NDST1: variants seen among roughly 807,000 people sequenced by gnomAD.
NDST1 encodes the protein N-deacetylase and N-sulfotransferase 1, also known as bifunctional heparan sulfate N-deacetylase/N-sulfotransferase 1.
In NDST1, 35 loss-of-function variants were observed where a neutral mutation model predicts 92.8. The observed-to-expected ratio is 0.38, with a 90% CI of 0.29 to 0.50. The LOEUF (loss-of-function observed/expected upper bound fraction) is 0.50. NDST1 is among the 20% of genes least tolerant of loss of function. The probability of loss-of-function intolerance (pLI) is 0.94; values close to 1 mark genes in which losing one functional copy is unlikely to be tolerated. For synonymous variants in NDST1, 493 were observed against 500.3 expected (o/e 0.99, Z 0.19); for missense variants, 822 against 1,182.7 (o/e 0.69, Z 4.47).
chr5:150,543,100 C>G, intron 10 of NDST1, 129 bp downstream of exon 10: 1 of 1,242,340 alleles, frequency 8.0e-7, no homozygotes, highest in Non-Finnish European at 1.2e-6. Context: ...TAAACAGGGA[C>G]AAAGTGCAGT....
chr5:150,543,214 A>G (rs546706457), intron 10 of NDST1, among the ~76,000 whole-genome samples: 6 of 152,236 alleles, frequency 3.9e-5, no homozygotes, highest in Non-Finnish European at 7.3e-5. Context: ...CTGAGGTCGA[A>G]GTCCACCCCT....
rs149711145 is a variant in NDST1 at position 150,553,263 on chromosome 5, C to G, written c.2580C>G (p.Ser860=). 1 of 1,613,914 alleles carries G rather than the reference C, an allele frequency of 6.2e-7. No individual in the cohort carries two copies. The highest frequency in any genetic ancestry group is 1.1e-5 in the South Asian group (1 of 91,068). ...DYYRDHNIEL[S]KLLYKMGQTL... ...ACCGGGACCACAACATCGAGCTCTC[C>G]AAGCTGCTGTATAAGATGGGCCAGA... is the stretch of plus-strand genomic sequence containing the variant. Residue 860 remains serine, a synonymous_variant, in exon 15 of 15, where the codon TCC becomes TCG. Coordinates refer to ENST00000261797, the MANE Select transcript of NDST1 (RefSeq NM_001543.5). The surrounding 1 kb of genome is among the most constrained non-coding windows in gnomAD (Gnocchi z 4.2).
chr5:150,517,402 G>C (rs1346393656), intron 1 of NDST1, among the ~76,000 whole-genome samples: 1 of 151,802 alleles, frequency 6.6e-6, no homozygotes, highest in African/African-American at 2.4e-5. Flanking sequence ...GACCTCCCAG[G>C]GTCAGGGGAC....
intron 1 of NDST1, among the ~76,000 whole-genome samples, chr5:150,519,965 G>T (rs1754166663): frequency 6.6e-6 from 1 of 152,126 alleles, no homozygotes; most frequent in African/African-American, 2.4e-5. Flanking sequence ...TGGACAGAAG[G>T]TCCAGGGCGG....
At chr5:150,505,710 C>T (rs73799054), upstream of NDST1, among the ~76,000 whole-genome samples, 976 of 152,192 alleles carry the variant, frequency 6.4e-3, 15 homozygotes, top group African/African-American at 0.022. Flanking sequence ...ACAGAATAAC[C>T]CAGCTTAGAT....
intron 1 of NDST1, among the ~76,000 whole-genome samples, chr5:150,498,479 G>A (rs1753091502): frequency 6.6e-6 from 1 of 152,218 alleles, no homozygotes; most frequent in South Asian, 2.1e-4. Flanking sequence ...TCCGCACTCT[G>A]TGCTGGGCTT....
At chr5:150,540,615 A>G (rs1481684388) in intron 8 of NDST1, among the ~76,000 whole-genome samples, 2 of 152,178 alleles carry the variant, frequency 1.3e-5, no homozygotes, top group African/African-American at 4.8e-5. Context: ...CAGGAGTTCA[A>G]GATCAGCCTG....
intron 1 of NDST1, among the ~76,000 whole-genome samples, chr5:150,502,839 G>A (rs1210711016): frequency 6.6e-6 from 1 of 152,080 alleles, no homozygotes. Context: ...GGAGGTTCAG[G>A]CCTTATCCTG....
In NDST1 at chr5:150,525,729, G is replaced by A. The variant is rs556141683; in HGVS notation, c.514-2075G>A. ...CTGGACAGGTACAGCTCTGCAACGG[G>A]CACAGGCTCAGCTGAGACTTTACCC... On this transcript the variant is annotated intron_variant, in intron 2 of 14. Coordinates refer to ENST00000261797, the MANE Select transcript of NDST1 (RefSeq NM_001543.5). Among the ~76,000 whole-genome samples, 150 of 152,250 alleles carry A rather than the reference G, an allele frequency of 9.9e-4. 1 individual carries two copies. The highest frequency in any genetic ancestry group is 8.7e-3 in the South Asian group (42 of 4,818).
intron 13 of NDST1, among the ~76,000 whole-genome samples, chr5:150,550,117 T>C (rs1209183341): frequency 6.6e-6 from 1 of 151,928 alleles, no homozygotes; most frequent in East Asian, 1.9e-4. Context: ...TTTTTTTTTT[T>C]TTTTAGACAG....
Position 150,551,810 on chromosome 5 carries a change from T to C in NDST1, c.2484T>C (p.Cys828=), listed in dbSNP as rs1206102080. ...CQLLEGGKTK[C]LGKSKGRKYP... is the part of the protein sequence containing the mutation. The stretch of plus-strand genomic sequence containing the variant: ...TGCTTGAAGGAGGAAAAACCAAGTG[T>C]CTGGGCAAAAGCAAGGGCCGGAAAT... Residue 828 remains cysteine (C), a synonymous_variant, in exon 14 of 15, where the codon TGT becomes TGC. Transcript: ENST00000261797. 1.9e-6 allele frequency: 3 copies of C among 1,613,594 alleles called. No homozygotes were observed. Among genetic ancestry groups the C allele is most frequent in the African/African-American group, 2.7e-5 (2 of 74,878 alleles).
Position 150,542,969 on chromosome 5 carries a change from C to G in NDST1, c.1968C>G (p.Asp656Glu). The G allele has an allele frequency of 6.2e-7, 1 of 1,613,992 alleles. No individual in the cohort carries two copies. ...FNGHNYHKGI[D>E]WYMEFFPIPS... is the part of the protein sequence containing the mutation. ...GCCACAACTATCACAAAGGCATCGA[C>G]TGGTGAGTTGGCCTTTCTGTCCACA... The change falls in exon 10 of 15, where the codon GAC becomes GAG. Residue 656 changes from aspartate to glutamate, a missense_variant and splice_region_variant. Transcript: ENST00000261797.
In NDST1 at chr5:150,555,813, G is replaced by A. The variant is rs116406510; in HGVS notation, c.*2481G>A. On this transcript the variant is annotated 3_prime_UTR_variant, in exon 15 of 15. Coordinates refer to ENST00000261797, the MANE Select transcript of NDST1 (RefSeq NM_001543.5). ...CTGCCTCTGGCTATGGGAAGGAGCA[G>A]GCGGTTGGAAATCCTGTGACAGCAG... The A allele has an allele frequency of 0.017, 2,525 of 152,356 alleles. 27 individuals carry two copies. The highest frequency in any genetic ancestry group is 0.041 in the Middle Eastern group (12 of 294). The allele number at this position is 152,356 out of a possible 1,614,324, so 9.4% of individuals were successfully genotyped here.
Position 150,521,227 on chromosome 5 carries a change from T to A in NDST1, c.-28T>A. The A allele has an allele frequency of 6.3e-7, 1 of 1,594,880 alleles. No individual in the cohort carries two copies. The highest frequency in any genetic ancestry group is 8.5e-7 in the Non-Finnish European group (1 of 1,173,346). ...TGGGGTAGCCAGGGCAGGCCGGGCCTCCGGTGGCCAAGGTCTCGGAGGCCA... is the reference window on the plus strand; with the variant it reads ...TGGGGTAGCCAGGGCAGGCCGGGCCACCGGTGGCCAAGGTCTCGGAGGCCA... On this transcript the variant is annotated 5_prime_UTR_variant, in exon 2 of 15. Transcript: ENST00000261797. The surrounding 1 kb of genome is among the most constrained non-coding windows in gnomAD (Gnocchi z 5.9).
At chr5:150,522,388 G>A (rs770430122) in intron 2 of NDST1, among the ~76,000 whole-genome samples, 1 of 152,042 alleles carries the variant, frequency 6.6e-6, no homozygotes, top group Non-Finnish European at 1.5e-5. Flanking sequence ...CAGAATGACC[G>A]CCGGGATTGG....
At chr5:150,544,383 T>C (rs1333327157) in intron 10 of NDST1, among the ~76,000 whole-genome samples, 1 of 152,234 alleles carries the variant, frequency 6.6e-6, no homozygotes, top group East Asian at 1.9e-4. Flanking sequence ...ATTGAGATAT[T>C]GTAAACAAAG....
intron 1 of NDST1, among the ~76,000 whole-genome samples, chr5:150,502,301 G>A (rs1753269335): frequency 6.6e-6 from 1 of 152,168 alleles, no homozygotes; most frequent in Admixed American, 6.5e-5. Flanking sequence ...GTTGGTTCTG[G>A]ATTTATTTTG....
intron 6 of NDST1, 64 bp from the exon 7 acceptor site, chr5:150,539,164 A>C: frequency 2.7e-5 from 35 of 1,302,238 alleles, no homozygotes; most frequent in Non-Finnish European, 3.3e-5. Context: ...CCTCTGAGGA[A>C]GAGTCCTCCC....
exon 1 of NDST1, chr5:150,498,180 T>G (rs937748626): frequency 5.9e-5 from 9 of 152,512 alleles, no homozygotes; most frequent in African/African-American, 2.2e-4. Context: ...GGGTGTGGTC[T>G]TGGAGACGGG....
Sources: allele counts gnomAD v4.1 joint callset (sites outside exome capture counted in the v4.1 genomes callset), GRCh38; gene constraint gnomAD v4.1.1; non-coding constraint Gnocchi (gnomAD v3.1); transcripts MANE v1.5; gene names NCBI Gene and HGNC (gene_info 2026-07-23, HGNC 2026-07-21).